Variants in DMD observed in about 807,000 individuals in gnomAD.
The protein encoded by DMD is dystrophin, also known as mutant dystrophin.
DMD carries 63 observed loss-of-function variants against 330.1 expected under a neutral mutation model. The observed-to-expected ratio is 0.19, with a 90% CI of 0.16 to 0.24. DMD has a LOEUF of 0.24. Among genes scored for constraint, DMD ranks in the 10% least tolerant of loss-of-function variants. The pLI is 1.00. For missense variants in DMD, 3,344 were observed against 2,684.1 expected, an observed-to-expected ratio of 1.25 and a Z score of -5.43; for synonymous variants, 1,223 against 959.8, an observed-to-expected ratio of 1.27 and a Z score of -5.07.
intron 44 of DMD, among the ~76,000 whole-genome samples, chrX:32,050,756 A>G (rs1248122120): frequency 1.8e-5 from 2 of 110,879 alleles, no homozygotes; most frequent in Non-Finnish European, 3.8e-5. Context: ...TTTTGATCCT[A>G]TCTTTAAAAA....
rs1262701193 is a variant in DMD, at chrX:32,853,788, A to AAAC, written c.94-3971_94-3969dup. Among the ~76,000 whole-genome samples, 89 of 101,836 alleles carry AAAC rather than the reference A, an allele frequency of 8.7e-4. 1 individual carries two copies. The South Asian group carries it at 0.019, about 22-fold the overall frequency. 88.4% of individuals were successfully genotyped at this position (101,836 alleles called of 115,157 possible). A position where few individuals can be genotyped will look rare whatever the true frequency, so the allele number is the denominator to read the frequency against. On this transcript the variant is annotated intron_variant, in intron 2 of 78. Transcript: ENST00000357033. Reference sequence around the variant, plus strand: ...GTGACAGAAAAAAAAAAAAAAAAACAAACAACAACAACAACAACAAACACC... The same window carrying AAAC: ...GTGACAGAAAAAAAAAAAAAAAAACAAACAACAACAACAACAACAACAAACACC...
chrX:32,500,788 C>T (rs1047497368), intron 19 of DMD, among the ~76,000 whole-genome samples: 2 of 111,429 alleles, frequency 1.8e-5, no homozygotes, highest in Non-Finnish European at 3.8e-5. Flanking sequence ...AGTCATGGGA[C>T]TCATTAGAAG....
rs1466636716 is a variant in DMD at position 32,438,272 on chromosome X, A to T, written c.4040T>A (p.Phe1347Tyr). ...ATGTAGTTCCCTCCAACGAGAATTAAATGTCTCAAGTTCCTCATTGATTAG... is the reference window on the plus strand; with the variant it reads ...ATGTAGTTCCCTCCAACGAGAATTATATGTCTCAAGTTCCTCATTGATTAG... ...DELINEELET[F>Y]NSRWRELHEE... Residue 1347 changes from phenylalanine to tyrosine, a missense_variant, in exon 29 of 79, where the codon TTT (phenylalanine) becomes TAT (tyrosine). By Grantham distance (22) the Phe-to-Tyr change is conservative. Transcript: ENST00000357033. 8.3e-7 allele frequency: 1 copy of T among 1,209,600 alleles called. No homozygotes were observed. The highest frequency in any genetic ancestry group is 1.7e-5 in the African/African-American group (1 of 57,154).
At chrX:33,097,996 T>C (rs2095191984) in intron 1 of DMD, among the ~76,000 whole-genome samples, 1 of 111,658 alleles carries the variant, frequency 9.0e-6, no homozygotes, top group East Asian at 2.8e-4. Flanking sequence ...AGAACATTTC[T>C]ATTGCAGAAA....
chrX:31,507,928 T>C (rs931172559), intron 55 of DMD, among the ~76,000 whole-genome samples: 7 of 111,801 alleles, frequency 6.3e-5, no homozygotes, highest in Non-Finnish European at 1.1e-4. Context: ...ATAAACAAGA[T>C]TGCACTTGGC....
intron 62 of DMD, among the ~76,000 whole-genome samples, chrX:31,299,936 T>A (rs1393208095): frequency 1.8e-5 from 2 of 111,647 alleles, no homozygotes; most frequent in East Asian, 5.6e-4. Context: ...ACAGAGAACA[T>A]TTAAACAACT....
chrX:32,765,223 T>C (rs1430358357), intron 7 of DMD, among the ~76,000 whole-genome samples: 1 of 111,224 alleles, frequency 9.0e-6, no homozygotes, highest in African/African-American at 3.3e-5. Flanking sequence ...ATCCCCAATG[T>C]TGGAGTTGGT....
In DMD at chrX:32,858,477, G is replaced by A. The variant is rs188380085; in HGVS notation, c.94-8657C>T. On this transcript the variant is annotated intron_variant, in intron 2 of 78. Transcript: ENST00000357033. ...CCCAAGTAGCTGGGACTACAGGCATGTGTCATCACGTCCAGCTCAGTTTTG... is the reference window on the plus strand; with the variant it reads ...CCCAAGTAGCTGGGACTACAGGCATATGTCATCACGTCCAGCTCAGTTTTG... Among the ~76,000 whole-genome samples, 242 of 111,410 alleles carry A rather than the reference G, an allele frequency of 2.2e-3. 2 individuals are homozygous for A. The highest frequency in any genetic ancestry group is 7.6e-3 in the African/African-American group (234 of 30,659).
intron 50 of DMD, 52 bp downstream of exon 50, chrX:31,819,923 C>T (rs1048469884): frequency 1.3e-4 from 132 of 1,012,470 alleles, no homozygotes; most frequent in Non-Finnish European, 1.8e-4. Context: ...TTCATAGTTG[C>T]ACTTTTGAAC....
At chrX:32,821,460 C>T (rs962874953) in intron 5 of DMD, among the ~76,000 whole-genome samples, 8 of 105,678 alleles carry the variant, frequency 7.6e-5, no homozygotes, top group African/African-American at 2.4e-4. Flanking sequence ...GGTGGGGGGG[C>T]GCCTGTAGTC....
At chrX:32,377,077 G>T (rs1421388570) in intron 34 of DMD, among the ~76,000 whole-genome samples, 1 of 111,131 alleles carries the variant, frequency 9.0e-6, no homozygotes, top group African/African-American at 3.3e-5. Flanking sequence ...TTCTCCAATT[G>T]GAGCAATACT....
Position 32,651,138 on chromosome X carries a change from CT to C in DMD, c.961-5987del, listed in dbSNP as rs200620583. Among the ~76,000 whole-genome samples, 10,977 of 103,643 alleles carry C rather than the reference CT, an allele frequency of 0.11. 652 individuals carry two copies. The highest frequency in any genetic ancestry group is 0.23 in the African/African-American group (6,275 of 27,084). The allele number at this position is 103,643 out of a possible 115,157, so 90.0% of individuals were successfully genotyped here. Reference sequence around the variant, plus strand: ...GCACTTTTAAAAAAATATAATATAACTTTTTTTTTTTCTGTTTTTTTGAGAT... The same window carrying C: ...GCACTTTTAAAAAAATATAATATAACTTTTTTTTTTCTGTTTTTTTGAGAT... On this transcript the variant is annotated intron_variant, in intron 9 of 78. Coordinates refer to ENST00000357033, the MANE Select transcript of DMD (RefSeq NM_004006.3).
intron 67 of DMD, 64 bp downstream of exon 67, chrX:31,203,897 G>A: frequency 9.5e-7 from 1 of 1,056,869 alleles, no homozygotes; most frequent in Non-Finnish European, 1.3e-6. Flanking sequence ...AGCTCTGTGG[G>A]TTTTTTAATT....
intron 43 of DMD, among the ~76,000 whole-genome samples, chrX:32,227,249 G>T (rs2097151096): frequency 1.4e-5 from 1 of 70,545 alleles, no homozygotes; most frequent in Non-Finnish European, 2.6e-5. Flanking sequence ...GTCTATCCTA[G>T]CTTCTAAGTC....
intron 30 of DMD, among the ~76,000 whole-genome samples, chrX:32,400,448 G>C (rs1268259600): frequency 3.6e-5 from 4 of 110,945 alleles, no homozygotes; most frequent in African/African-American, 6.6e-5. Flanking sequence ...GCCCGGCTTT[G>C]GTATCAGAAT....
chrX:31,278,835 C>T (rs1603287585), intron 62 of DMD, among the ~76,000 whole-genome samples: 1 of 111,742 alleles, frequency 8.9e-6, no homozygotes, highest in Non-Finnish European at 1.9e-5. Context: ...CTGGATGGTC[C>T]CCATTCTATT....
intron 55 of DMD, among the ~76,000 whole-genome samples, chrX:31,525,172 A>G (rs143907091): frequency 4.2e-4 from 47 of 111,914 alleles, no homozygotes; most frequent in African/African-American, 1.5e-3. Context: ...ATATTAACAC[A>G]TGGGGCGAAT....
chrX:31,365,082 G>A (rs1428075235), intron 60 of DMD, among the ~76,000 whole-genome samples: 3 of 87,602 alleles, frequency 3.4e-5, no homozygotes, highest in Non-Finnish European at 6.5e-5. Context: ...GCGACAGAGC[G>A]AGACCCCATC....
At chrX:32,552,442 A>C (rs1219310789) in intron 16 of DMD, among the ~76,000 whole-genome samples, 1 of 112,094 alleles carries the variant, frequency 8.9e-6, no homozygotes, top group African/African-American at 3.2e-5. Flanking sequence ...TTAAAGACTT[A>C]AATCTAAAAC....
Sources: gnomAD v4.1 joint callset for allele counts (sites outside exome capture counted in the v4.1 genomes callset) on GRCh38, gnomAD v4.1.1 for gene constraint, MANE v1.5 for transcripts, NCBI Gene and HGNC (gene_info 2026-07-23, HGNC 2026-07-21) for gene names.